The following DIPK2B variants were observed in gnomAD, a reference collection of about 807,000 sequenced individuals.
DIPK2B encodes the protein divergent protein kinase domain 2B.
Under a neutral mutation model 22.2 loss-of-function variants are expected in DIPK2B, and 15 were observed. That is an observed-to-expected ratio of 0.68 (90% CI 0.45 to 1.04). The LOEUF is 1.04. DIPK2B is among the 50% of genes least tolerant of loss of function. The probability of loss-of-function intolerance (pLI) is 0.00; values close to 1 mark genes in which losing one functional copy is unlikely to be tolerated. For synonymous variants in DIPK2B, 163 were observed against 153.2 expected (o/e 1.06, Z -0.47); for missense variants, 345 against 348.3 (o/e 0.99, Z 0.08).
rs2047263982 is a variant in DIPK2B at position 45,200,832 on chromosome X, G to A, written c.-6C>T. ...GGCCCCAGCTGGGGCTCCATCTTGG[G>A]CTCTGGGCTCCAGCTGCAGCCTCTG... On this transcript the variant is annotated 5_prime_UTR_variant, in exon 1 of 5. Coordinates refer to ENST00000398000, the MANE Select transcript of DIPK2B (RefSeq NM_176819.4). The A allele has an allele frequency of 3.4e-6, 4 of 1,162,556 alleles. No homozygotes were observed. The highest frequency in any genetic ancestry group is 3.6e-5 in the African/African-American group (2 of 56,101).
chrX:45,179,258 A>G (rs771126131), intron 2 of DIPK2B, among the ~76,000 whole-genome samples: 7 of 111,482 alleles, frequency 6.3e-5, no homozygotes, highest in Non-Finnish European at 9.4e-5. Context: ...AAGTGATTTG[A>G]GAGCAATTTA....
At chrX:45,155,427 A>AT (rs1372510960) in intron 3 of DIPK2B, among the ~76,000 whole-genome samples, 41 of 84,538 alleles carry the variant, frequency 4.8e-4, no homozygotes, top group African/African-American at 1.5e-3. Flanking sequence ...TGTCTCAAAA[A>AT]AAAAATATAT....
Position 45,154,172 on chromosome X carries a change from C to T in DIPK2B, c.699G>A (p.Pro233=), listed in dbSNP as rs747805873. Residue 233 remains proline, a synonymous_variant, in exon 4 of 5, where the codon CCG becomes CCA. Coordinates refer to ENST00000398000, the MANE Select transcript of DIPK2B (RefSeq NM_176819.4). ...CACAGGAGCCCAGGTACTTGGGCAG[C>T]GGCCATCCCTCAGCCCCAGGGAAGA... is the stretch of plus-strand genomic sequence containing the variant. ...LQIFPGAEGW[P]LPKYLGSCGR... The T allele has an allele frequency of 7.5e-6, 9 of 1,203,241 alleles. No individual in the cohort carries two copies. The African/African-American group carries it at 1.1e-4, about 14-fold the overall frequency.
intron 1 of DIPK2B, among the ~76,000 whole-genome samples, chrX:45,195,871 C>T (rs1034320250): frequency 1.8e-5 from 2 of 112,243 alleles, no homozygotes; most frequent in Non-Finnish European, 3.8e-5. Flanking sequence ...CAGTTTCTTC[C>T]TCTTTCTTGT....
Position 45,153,949 on chromosome X carries a change from G to T in DIPK2B, c.922C>A (p.Arg308=). 1 of 1,210,202 alleles carries T rather than the reference G, an allele frequency of 8.3e-7. No individual in the cohort carries two copies. Among genetic ancestry groups the T allele is most frequent in the Non-Finnish European group, 1.1e-6 (1 of 894,583 alleles). ...GVFNNGHLFI[R]DASAVGVIDK... ...ATGACGCCCACTGCACTGGCATCCC[G>T]GATGAACAGATGCCCGTTGTTAAAG... The change falls in exon 4 of 5, where the codon CGG becomes AGG. Residue 308 remains arginine, a synonymous_variant. Transcript: ENST00000398000.
At chrX:45,157,240 C>T (rs1323769247) in intron 3 of DIPK2B, among the ~76,000 whole-genome samples, 1 of 111,843 alleles carries the variant, frequency 8.9e-6, no homozygotes, top group East Asian at 2.8e-4. Context: ...ACCAGTGTAT[C>T]TCCAGGCCCT....
At position 45,151,858 on chromosome X, in the gene DIPK2B, G is replaced by A. The variant is rs201256036; in HGVS notation, c.1096C>T (p.Leu366=). ...QSLVLVCQKL[L]PRLLQGRFPS... is the part of the protein sequence containing the mutation. ...AACCTCCCCTGGAGAAGTCGAGGCAGCAACTTCTGACACACCAGCACCAGG... is the reference window on the plus strand; with the variant it reads ...AACCTCCCCTGGAGAAGTCGAGGCAACAACTTCTGACACACCAGCACCAGG... The change falls in exon 5 of 5, where the codon CTG becomes TTG. Residue 366 remains leucine (L), a synonymous_variant. Coordinates refer to ENST00000398000, the MANE Select transcript of DIPK2B (RefSeq NM_176819.4). 2.4e-4 allele frequency: 289 copies of A among 1,209,973 alleles called. 1 individual carries two copies. The African/African-American group carries it at 4.6e-3, about 19-fold the overall frequency.
rs561253348 is a variant in DIPK2B, at chrX:45,178,388, G to T, written c.498+13363C>A. On this transcript the variant is annotated intron_variant, in intron 2 of 4. Coordinates refer to ENST00000398000, the MANE Select transcript of DIPK2B (RefSeq NM_176819.4). ...AGAGTAGATAATTCTGGGATTTTTG[G>T]TTCTGGCCATGACAGAATATACCTG... 7.2e-5 allele frequency among the ~76,000 whole-genome samples: 8 copies of T among 110,947 alleles called. No homozygotes were observed. The South Asian group carries it at 3.1e-3, about 43-fold the overall frequency.
intron 2 of DIPK2B, among the ~76,000 whole-genome samples, chrX:45,180,856 A>G (rs942470382): frequency 1.8e-5 from 2 of 111,992 alleles, no homozygotes; most frequent in African/African-American, 6.5e-5. Flanking sequence ...AATAGTAACT[A>G]ATAATGAAAC....
At chrX:45,192,103 A>C in intron 1 of DIPK2B, 88 bp from the exon 2 acceptor site, 1 of 932,422 alleles carries the variant, frequency 1.1e-6, no homozygotes, top group Non-Finnish European at 1.4e-6. Context: ...CAATAGCCCA[A>C]CTGATCCATT....
chrX:45,194,439 G>A (rs1226895152), intron 1 of DIPK2B, among the ~76,000 whole-genome samples: 1 of 110,270 alleles, frequency 9.1e-6, no homozygotes, highest in African/African-American at 3.3e-5. Context: ...TAGTAGAGAC[G>A]GGGTTTCACC....
chrX:45,155,045 T>A (rs902333598), intron 3 of DIPK2B, among the ~76,000 whole-genome samples: 5 of 112,640 alleles, frequency 4.4e-5, no homozygotes, highest in African/African-American at 1.6e-4. Flanking sequence ...CCCAGCACTT[T>A]GGGAGGCCGA....
At chrX:45,186,910 T>C (rs1031187450) in intron 2 of DIPK2B, among the ~76,000 whole-genome samples, 7 of 112,754 alleles carry the variant, frequency 6.2e-5, no homozygotes, top group African/African-American at 2.3e-4. Flanking sequence ...AAAAGTGAAT[T>C]TCACTTGTTT....
At chrX:45,194,776 AAT>A (rs1427211050) in intron 1 of DIPK2B, among the ~76,000 whole-genome samples, 1 of 112,341 alleles carries the variant, frequency 8.9e-6, no homozygotes, top group African/African-American at 3.2e-5. Flanking sequence ...TTGAAAGCAG[AAT>A]ATATATGTGA....
chrX:45,151,778 GCTGTCCCCACA>G lies in DIPK2B; in HGVS notation c.1165_1175del (p.Cys389HisfsTer25). On this transcript the variant is annotated frameshift_variant, in exon 5 of 5. Coordinates refer to ENST00000398000, the MANE Select transcript of DIPK2B (RefSeq NM_176819.4). LOFTEE classifies it high-confidence loss of function. ...CAAGGACTTCTGGGTCTGGGCGGAT[GCTGTCCCCACA>G]CTGAACAAGGATGGAGTCTATGTCG... 7 of 1,212,077 alleles carry G rather than the reference GCTGTCCCCACA, an allele frequency of 5.8e-6. No homozygotes were observed. The highest frequency in any genetic ancestry group is 7.8e-6 in the Non-Finnish European group (7 of 895,529).
Position 45,149,591 on chromosome X carries a change from C to A in DIPK2B, c.*2061G>T, listed in dbSNP as rs1167462417. 1 of 112,685 alleles carries A rather than the reference C, an allele frequency of 8.9e-6. No homozygotes were observed. Among genetic ancestry groups the A allele is most frequent in the African/African-American group, 3.2e-5 (1 of 30,848 alleles). The allele number at this position is 112,685 out of a possible 1,213,427, so 9.3% of individuals were successfully genotyped here. On this transcript the variant is annotated 3_prime_UTR_variant, in exon 5 of 5. Coordinates refer to ENST00000398000, the MANE Select transcript of DIPK2B (RefSeq NM_176819.4). ...CATTTTTGAATGGGAGTGAAGGAAC[C>A]AGAATTGGGTAGCACAGGTGAAAGT...
intron 2 of DIPK2B, chrX:45,163,219 C>T (rs762443248): frequency 2.6e-4 from 56 of 214,425 alleles, no homozygotes; most frequent in African/African-American, 1.5e-3. Flanking sequence ...CTGCAAACTA[C>T]AGCATCAGCT....
chrX:45,181,637 A>G (rs1400654830), intron 2 of DIPK2B, among the ~76,000 whole-genome samples: 1 of 111,900 alleles, frequency 8.9e-6, no homozygotes. Flanking sequence ...TGCTTGGTCA[A>G]TTGGATATTC....
chrX:45,157,773 C>T lies in DIPK2B; in HGVS notation c.614G>A (p.Arg205His), dbSNP rs990579865. 5 of 1,192,068 alleles carry T rather than the reference C, an allele frequency of 4.2e-6. No individual in the cohort carries two copies. The highest frequency in any genetic ancestry group is 2.3e-5 in the Admixed American group (1 of 43,397). The change falls in exon 3 of 5, where the codon CGT becomes CAT. Residue 205 changes from arginine (R) to histidine (H), a missense_variant. Coordinates refer to ENST00000398000, the MANE Select transcript of DIPK2B (RefSeq NM_176819.4). ...GSIFMDHFTD[R>H]DKLRLLYTLA... is the part of the protein sequence containing the mutation. ...CGTGTAGAGCAGGCGCAGCTTGTCA[C>T]GGTCGGTGAAGTGGTCCATGAAGAT...
Sources: gnomAD v4.1 joint callset for allele counts (sites outside exome capture counted in the v4.1 genomes callset) on GRCh38, gnomAD v4.1.1 for gene constraint, MANE v1.5 for transcripts, NCBI Gene and HGNC (gene_info 2026-07-23, HGNC 2026-07-21) for gene names.